PCGF3: variants seen among roughly 807,000 people sequenced by gnomAD.
PCGF3 encodes polycomb group RING finger protein 3.
PCGF3 carries 7 observed loss-of-function variants against 33.1 expected under a neutral mutation model. The observed-to-expected ratio is 0.21, with a 90% CI of 0.12 to 0.40. The LOEUF (loss-of-function observed/expected upper bound fraction) is 0.40, where lower values mean the gene tolerates loss of function less well. Among genes scored for constraint, PCGF3 ranks in the 10% least tolerant of loss-of-function variants. PCGF3 has a pLI of 1.00. For synonymous variants in PCGF3, 153 were observed against 121.3 expected (o/e 1.26, Z -1.72); for missense variants, 211 against 313.3 (o/e 0.67, Z 2.46).
At chr4:768,813 T>C (rs995744320) in exon 11 of PCGF3, 1 of 152,688 alleles carries the variant, frequency 6.5e-6, no homozygotes, top group Non-Finnish European at 1.5e-5. Context: ...GTGAGATGTT[T>C]TGCAAGCTTC....
intron 5 of PCGF3, among the ~76,000 whole-genome samples, chr4:737,183 G>A (rs1425791373): frequency 6.6e-6 from 1 of 152,090 alleles, no homozygotes; most frequent in Non-Finnish European, 1.5e-5. Flanking sequence ...CACGGGACGT[G>A]GGGAATCTGG....
chr4:740,966 G>A (rs765088178), intron 6 of PCGF3, among the ~76,000 whole-genome samples: 2 of 152,234 alleles, frequency 1.3e-5, no homozygotes, highest in Non-Finnish European at 2.9e-5. Flanking sequence ...AACGAGGAAA[G>A]GAGAAAAGGG....
At chr4:734,771 G>A in intron 4 of PCGF3, 160 bp from the exon 5 acceptor site, 2 of 1,406,330 alleles carry the variant, frequency 1.4e-6, no homozygotes, top group Non-Finnish European at 1.9e-6. Flanking sequence ...GACCAGAACG[G>A]CAAGATGTTT....
intron 6 of PCGF3, among the ~76,000 whole-genome samples, chr4:740,315 C>T (rs760601113): frequency 2.2e-4 from 34 of 152,332 alleles, no homozygotes; most frequent in Middle Eastern, 6.8e-3. Flanking sequence ...GAAGAGAGTT[C>T]CCTGCTAGAT....
At chr4:716,833 C>G (rs1206275221) in intron 1 of PCGF3, among the ~76,000 whole-genome samples, 2 of 125,928 alleles carry the variant, frequency 1.6e-5, no homozygotes, top group African/African-American at 3.1e-5. Context: ...AACTGGGCGT[C>G]GGTGCTGGGA....
chr4:742,267 G>A (rs1744128089), intron 6 of PCGF3, among the ~76,000 whole-genome samples: 1 of 151,890 alleles, frequency 6.6e-6, no homozygotes, highest in Non-Finnish European at 1.5e-5. Context: ...CAGGCTCACG[G>A]GGCATCCTCC....
At chr4:759,953 C>A (rs917035511) in intron 8 of PCGF3, among the ~76,000 whole-genome samples, 1 of 151,832 alleles carries the variant, frequency 6.6e-6, no homozygotes, top group Non-Finnish European at 1.5e-5. Context: ...TTTCTCCCCA[C>A]GGCCTCTCTC....
chr4:766,169 G>A, exon 11 of PCGF3: 4 of 1,030,296 alleles, frequency 3.9e-6, no homozygotes, highest in Non-Finnish European at 6.0e-6. Context: ...TGGGTGTCAT[G>A]TGGACCAGAC....
chr4:722,093 G>A (rs1342432433), intron 1 of PCGF3, among the ~76,000 whole-genome samples: 1 of 152,172 alleles, frequency 6.6e-6, no homozygotes, highest in Non-Finnish European at 1.5e-5. Flanking sequence ...CGGTGTCTGT[G>A]TGAGAGCAGC....
rs374446916 is a variant in PCGF3 at position 744,895 on chromosome 4, C to T, written c.462+207C>T. On this transcript the variant is annotated intron_variant, in intron 8 of 10. Coordinates refer to ENST00000362003, the Ensembl canonical transcript of PCGF3. Reference sequence around the variant, plus strand: ...CCCCGGGGTCGCTGCAGTGTTAGTGCTCGCCGTGGAGGCGTGAGCAGGTGG... The same window carrying T: ...CCCCGGGGTCGCTGCAGTGTTAGTGTTCGCCGTGGAGGCGTGAGCAGGTGG... Among the ~76,000 whole-genome samples the T allele has an allele frequency of 3.7e-3, 36 of 9,678 alleles. 1 individual carries two copies. The highest frequency in any genetic ancestry group is 3.1e-3 in the Non-Finnish European group (15 of 4,774). 6.3% of individuals were successfully genotyped at this position (9,678 alleles called of 152,430 possible). A position where few individuals can be genotyped will look rare whatever the true frequency, so the allele number is the denominator to read the frequency against.
chr4:750,905 C>G (rs574388215), intron 8 of PCGF3, among the ~76,000 whole-genome samples: 1 of 152,012 alleles, frequency 6.6e-6, no homozygotes, highest in Non-Finnish European at 1.5e-5. Context: ...GTACTAACAT[C>G]GCTACAGTTG....
Position 734,451 on chromosome 4 carries a change from G to A in PCGF3, c.110-480G>A, listed in dbSNP as rs920648065. On this transcript the variant is annotated intron_variant, in intron 4 of 10. Coordinates refer to ENST00000362003, the Ensembl canonical transcript of PCGF3. ...GATGCTTGTGTATTTCTCACTTTAGGAAATAAAATATTTGCCAATTTGATA... is the reference window on the plus strand; with the variant it reads ...GATGCTTGTGTATTTCTCACTTTAGAAAATAAAATATTTGCCAATTTGATA... 1.5e-5 allele frequency: 19 copies of A among 1,265,822 alleles called. No homozygotes were observed. The Admixed American group carries it at 3.0e-4, about 20-fold the overall frequency. The allele number at this position is 1,265,822 out of a possible 1,614,324, so 78.4% of individuals were successfully genotyped here.
chr4:734,573 G>T (rs1743752869), intron 4 of PCGF3: 1 of 1,163,590 alleles, frequency 8.6e-7, no homozygotes, highest in Non-Finnish European at 1.1e-6. Flanking sequence ...GTACGTAGAA[G>T]ATACTGTCAT....
At position 760,268 on chromosome 4, in the gene PCGF3, GTTCTTCCCTTTGGGGCTCCCGTC is replaced by G. The variant is rs1486799112; in HGVS notation, c.463-1006_463-984del. Among the ~76,000 whole-genome samples the G allele has an allele frequency of 2.0e-5, 3 of 152,084 alleles. No individual in the cohort carries two copies. In the East Asian group the frequency reaches 5.8e-4, roughly 29 times the overall value. ...TTTCTTAACACTTCCTTTCCTTTCT[GTTCTTCCCTTTGGGGCTCCCGTC>G]TTCTCCCCTTTCTCTTAGCCTTCCT... On this transcript the variant is annotated intron_variant, in intron 8 of 10. Transcript: ENST00000362003.
exon 7 of PCGF3, chr4:743,543 A>G (rs1251603437): frequency 1.9e-6 from 3 of 1,612,530 alleles, no homozygotes; most frequent in South Asian, 1.1e-5. Flanking sequence ...ATCAAGGGGG[A>G]GACCTGCTCT....
chr4:734,775 G>A (rs1356236941), intron 4 of PCGF3, 156 bp from the exon 5 acceptor site: 1 of 1,410,046 alleles, frequency 7.1e-7, no homozygotes, highest in Non-Finnish European at 9.3e-7. Flanking sequence ...AGAACGGCAA[G>A]ATGTTTCCTT....
chr4:709,590 G>T (rs1742478425), intron 1 of PCGF3, among the ~76,000 whole-genome samples: 1 of 152,258 alleles, frequency 6.6e-6, no homozygotes. Flanking sequence ...GAAAGGCAGG[G>T]CCGCTCTTCA....
chr4:706,704 C>T (rs1343128259), intron 1 of PCGF3, among the ~76,000 whole-genome samples: 1 of 131,652 alleles, frequency 7.6e-6, no homozygotes, highest in African/African-American at 2.9e-5. Context: ...GGACCCCAGA[C>T]CAGGCAGGAC....
rs553466360 is a variant in PCGF3 at position 760,618 on chromosome 4, G to C, written c.463-661G>C. Among the ~76,000 whole-genome samples, 6 of 152,332 alleles carry C rather than the reference G, an allele frequency of 3.9e-5. No homozygotes were observed. The East Asian group carries it at 7.7e-4, about 20-fold the overall frequency. On this transcript the variant is annotated intron_variant, in intron 8 of 10. Transcript: ENST00000362003. ...TTTTTAGGCCCTAACTGTGCCGTTTGTTGCGGCTCCACCTGTAGAAGCGTT... is the reference window on the plus strand; with the variant it reads ...TTTTTAGGCCCTAACTGTGCCGTTTCTTGCGGCTCCACCTGTAGAAGCGTT...
Sources: gnomAD v4.1 joint callset for allele counts (sites outside exome capture counted in the v4.1 genomes callset) on GRCh38, gnomAD v4.1.1 for gene constraint, MANE v1.5 for transcripts, NCBI Gene and HGNC (gene_info 2026-07-23, HGNC 2026-07-21) for gene names.